The following LSAMP variants were observed in gnomAD, a reference collection of about 807,000 sequenced individuals.
LSAMP encodes limbic system associated membrane protein.
A neutral mutation model predicts 38.6 loss-of-function variants in LSAMP; 7 were observed. That is an observed-to-expected ratio of 0.18 (90% confidence interval 0.10 to 0.34). LSAMP has a LOEUF of 0.34. Ranked by LOEUF, LSAMP falls within the 10% of genes least tolerant of loss-of-function variation. The pLI is 1.00. For missense variants in LSAMP, 313 were observed against 420.0 expected, an observed-to-expected ratio of 0.75 and a Z score of 2.23; for synonymous variants, 154 against 166.8, an observed-to-expected ratio of 0.92 and a Z score of 0.59.
intron 6 of LSAMP, among the ~76,000 whole-genome samples, chr3:115,815,744 A>T (rs1269248135): frequency 2.6e-5 from 4 of 152,198 alleles, no homozygotes; most frequent in Non-Finnish European, 5.9e-5. Flanking sequence ...CGTGGCATTG[A>T]GAAGAAAAGA....
chr3:116,273,453 AATACTTCTGGGTT>A (rs137931922), intron 1 of LSAMP, among the ~76,000 whole-genome samples: 4,806 of 151,788 alleles, frequency 0.032, 97 homozygotes, highest in Middle Eastern at 0.051. Context: ...CAACCCCAGA[AATACTTCTGGGTT>A]TGTAGTCTTA....
chr3:116,073,772 A>G (rs1707668439), intron 2 of LSAMP, among the ~76,000 whole-genome samples: 1 of 152,230 alleles, frequency 6.6e-6, no homozygotes, highest in Non-Finnish European at 1.5e-5. Flanking sequence ...ATTTTTCATC[A>G]TTTATTAAAA....
chr3:116,175,436 TGTTAACTATA>T (rs1477567729), intron 1 of LSAMP, among the ~76,000 whole-genome samples: 1 of 152,112 alleles, frequency 6.6e-6, no homozygotes, highest in Admixed American at 6.6e-5. Flanking sequence ...AATATATTAT[TGTTAACTATA>T]GTCGTCCTAC....
intron 3 of LSAMP, among the ~76,000 whole-genome samples, chr3:115,989,851 C>A (rs983539918): frequency 4.6e-5 from 7 of 152,010 alleles, no homozygotes; most frequent in African/African-American, 1.7e-4. Context: ...CACATCCAGG[C>A]TGAGGACTTG....
At chr3:116,317,064 A>C (rs959404977) in intron 1 of LSAMP, among the ~76,000 whole-genome samples, 3 of 152,164 alleles carry the variant, frequency 2.0e-5, no homozygotes, top group African/African-American at 7.2e-5. Flanking sequence ...AGCACTCTGT[A>C]AAATGGACCA....
intron 1 of LSAMP, among the ~76,000 whole-genome samples, chr3:116,154,021 C>T (rs1709683645): frequency 6.6e-6 from 1 of 151,956 alleles, no homozygotes; most frequent in Non-Finnish European, 1.5e-5. Context: ...TAATTTGTAA[C>T]AATAGTCTAT....
chr3:116,117,252 C>A (rs1708773237), intron 1 of LSAMP, among the ~76,000 whole-genome samples: 1 of 152,174 alleles, frequency 6.6e-6, no homozygotes, highest in African/African-American at 2.4e-5. Flanking sequence ...AAAGGCTCCA[C>A]TGCAGGGTGA....
In LSAMP at chr3:115,841,864, A is replaced by C; in HGVS notation, c.900T>G (p.Asn300Lys). ...CVAANKLGVTNASLVLFRPGS... is the reference protein window; with the variant it reads ...CVAANKLGVTKASLVLFRPGS... ...ACTTACTGAAAAGGACTAGGCTGGC[A>C]TTGGTGACCCCCAGCTTGTTGGCAG... The change falls in exon 6 of 7, where the codon AAT (asparagine) becomes AAG (lysine). Residue 300 changes from asparagine (N) to lysine (K), a missense_variant. Physicochemically the swap from Asn to Lys is moderately conservative, Grantham distance 94. Transcript: ENST00000490035. The C allele has an allele frequency of 6.2e-7, 1 of 1,613,142 alleles. No homozygotes were observed. Among genetic ancestry groups the C allele is most frequent in the Non-Finnish European group, 8.5e-7 (1 of 1,179,688 alleles).
chr3:115,842,271 C>A (rs1935021426), intron 5 of LSAMP, among the ~76,000 whole-genome samples, 187 bp downstream of exon 5: 1 of 152,210 alleles, frequency 6.6e-6, no homozygotes. Context: ...TTTTACCTGA[C>A]TGCTTTTGGG....
chr3:116,033,070 G>C (rs992014649), intron 2 of LSAMP, among the ~76,000 whole-genome samples: 1 of 152,010 alleles, frequency 6.6e-6, no homozygotes, highest in Non-Finnish European at 1.5e-5. Context: ...CTGATTTTGA[G>C]GTATTTTTCT....
intron 3 of LSAMP, among the ~76,000 whole-genome samples, chr3:115,872,970 A>G (rs998149835): frequency 6.6e-6 from 1 of 152,206 alleles, no homozygotes; most frequent in Non-Finnish European, 1.5e-5. Flanking sequence ...TGATACATAC[A>G]TACACATATA....
intron 3 of LSAMP, among the ~76,000 whole-genome samples, chr3:115,965,760 AGAT>A (rs1474737640): frequency 2.0e-5 from 3 of 152,066 alleles, no homozygotes; most frequent in Non-Finnish European, 4.4e-5. Context: ...AATTATGAAA[AGAT>A]GAAACTTTAT....
intron 1 of LSAMP, among the ~76,000 whole-genome samples, chr3:116,366,288 C>T (rs1023979306): frequency 1.3e-5 from 2 of 152,100 alleles, no homozygotes; most frequent in African/African-American, 4.8e-5. Flanking sequence ...CCCTACCAAA[C>T]TGAGCAAGGA....
At chr3:116,119,387 A>T (rs556547572) in intron 1 of LSAMP, among the ~76,000 whole-genome samples, 3 of 152,294 alleles carry the variant, frequency 2.0e-5, no homozygotes, top group Non-Finnish European at 4.4e-5. Flanking sequence ...GTATGTTTAC[A>T]TCATAAATTG....
At chr3:116,237,964 T>C (rs2107635205) in intron 1 of LSAMP, among the ~76,000 whole-genome samples, 1 of 152,280 alleles carries the variant, frequency 6.6e-6, no homozygotes, top group South Asian at 2.1e-4. Context: ...CGAAGGACAG[T>C]CCTATGTATT....
intron 3 of LSAMP, among the ~76,000 whole-genome samples, chr3:115,920,368 C>CCT (rs1352621761): frequency 1.3e-5 from 2 of 151,662 alleles, no homozygotes; most frequent in South Asian, 2.1e-4. Context: ...TCTATTTTTT[C>CCT]CTCTCTCTCT....
At chr3:115,876,566 C>G (rs1398930221) in intron 3 of LSAMP, among the ~76,000 whole-genome samples, 1 of 152,040 alleles carries the variant, frequency 6.6e-6, no homozygotes, top group Non-Finnish European at 1.5e-5. Flanking sequence ...AATTCTGCCA[C>G]AGGTTCATTC....
rs183403152 is a variant in LSAMP, at chr3:116,232,144, A to G, written c.156-145588T>C. Among the ~76,000 whole-genome samples, 4 of 152,316 alleles carry G rather than the reference A, an allele frequency of 2.6e-5. No individual in the cohort carries two copies. The East Asian group carries it at 7.7e-4, about 29-fold the overall frequency. Reference sequence around the variant, plus strand: ...ATTTGGAGAAATACACATTAAATCAATAGCTCTCTGCATGGGTTTTAATGG... The same window carrying G: ...ATTTGGAGAAATACACATTAAATCAGTAGCTCTCTGCATGGGTTTTAATGG... On this transcript the variant is annotated intron_variant, in intron 1 of 6. Coordinates refer to ENST00000490035, the MANE Select transcript of LSAMP (RefSeq NM_002338.5).
At chr3:116,356,556 T>C (rs1024819344) in intron 1 of LSAMP, among the ~76,000 whole-genome samples, 9 of 152,202 alleles carry the variant, frequency 5.9e-5, no homozygotes, top group Non-Finnish European at 5.9e-5. Context: ...CAGTAATCTG[T>C]TGTACATTTT....
Sources: allele counts gnomAD v4.1 joint callset (sites outside exome capture counted in the v4.1 genomes callset), GRCh38; gene constraint gnomAD v4.1.1; transcripts MANE v1.5; gene names NCBI Gene and HGNC (gene_info 2026-07-23, HGNC 2026-07-21).